SLCO3A1: variants seen among roughly 807,000 people sequenced by gnomAD.
SLCO3A1 encodes PGE1 transporter.
A neutral mutation model predicts 63.1 loss-of-function variants in SLCO3A1; 27 were observed. The ratio of observed to expected loss-of-function variants is 0.43; its 90% CI spans 0.32 to 0.59. The LOEUF (loss-of-function observed/expected upper bound fraction) is 0.59, where lower values mean the gene tolerates loss of function less well. Ranked by LOEUF, SLCO3A1 falls within the 20% of genes least tolerant of loss-of-function variation. The probability of loss-of-function intolerance (pLI) is 0.09; values close to 1 mark genes in which losing one functional copy is unlikely to be tolerated. For missense variants in SLCO3A1, 773 were observed against 945.8 expected (o/e 0.82, Z 2.40); for synonymous variants, 473 against 409.9 (o/e 1.15, Z -1.86).
chr15:91,979,887 G>T (rs1388794395), intron 2 of SLCO3A1, among the ~76,000 whole-genome samples: 1 of 152,130 alleles, frequency 6.6e-6, no homozygotes, highest in East Asian at 1.9e-4. Context: ...GAGGATCATG[G>T]CATTCATCAG....
chr15:92,086,957 G>A (rs1288533936), intron 2 of SLCO3A1, among the ~76,000 whole-genome samples: 5 of 149,180 alleles, frequency 3.4e-5, no homozygotes, highest in Middle Eastern at 3.5e-3. Flanking sequence ...CACTCTAACC[G>A]GGGTGAAAAA....
chr15:92,111,423 G>A (rs2047728681), intron 4 of SLCO3A1, among the ~76,000 whole-genome samples: 1 of 152,108 alleles, frequency 6.6e-6, no homozygotes, highest in Non-Finnish European at 1.5e-5. Flanking sequence ...TCAGAACCAT[G>A]TTCTTCCTGT....
intron 2 of SLCO3A1, among the ~76,000 whole-genome samples, chr15:92,093,340 G>A (rs902851660): frequency 7.2e-5 from 11 of 152,190 alleles, no homozygotes; most frequent in African/African-American, 2.7e-4. Context: ...GAGAAGGGGA[G>A]GTCCCAGATT....
chr15:92,032,339 C>T (rs1175818889), intron 2 of SLCO3A1, among the ~76,000 whole-genome samples: 1 of 152,012 alleles, frequency 6.6e-6, no homozygotes, highest in Non-Finnish European at 1.5e-5. Flanking sequence ...CTTGAGGATG[C>T]AGAACCACAG....
At chr15:91,984,723 C>T (rs1024699316) in intron 2 of SLCO3A1, among the ~76,000 whole-genome samples, 5 of 152,132 alleles carry the variant, frequency 3.3e-5, no homozygotes, top group Admixed American at 2.6e-4. Context: ...TTTAGAGTCA[C>T]TTAGAGTGAC....
intron 2 of SLCO3A1, among the ~76,000 whole-genome samples, chr15:92,051,786 C>T (rs539562000): frequency 9.2e-5 from 14 of 152,284 alleles, no homozygotes; most frequent in African/African-American, 3.1e-4. Flanking sequence ...AAGACACTTA[C>T]ATTTTCCATT....
At chr15:92,156,631 A>ATTCT (rs781165043) in intron 9 of SLCO3A1, among the ~76,000 whole-genome samples, 4 of 152,250 alleles carry the variant, frequency 2.6e-5, no homozygotes, top group East Asian at 3.8e-4. Flanking sequence ...AACAGCCCAG[A>ATTCT]TTCTTTCTTG....
intron 2 of SLCO3A1, among the ~76,000 whole-genome samples, chr15:92,074,193 T>A (rs142691172): frequency 6.6e-6 from 1 of 152,322 alleles, no homozygotes; most frequent in African/African-American, 2.4e-5. Context: ...AGAACCTATC[T>A]TCTTTCAAGC....
intron 2 of SLCO3A1, among the ~76,000 whole-genome samples, chr15:91,999,888 A>G (rs147051386): frequency 1.3e-5 from 2 of 152,346 alleles, no homozygotes; most frequent in African/African-American, 4.8e-5. Context: ...CGAAAACCAT[A>G]GATACAGGAG....
intron 9 of SLCO3A1, among the ~76,000 whole-genome samples, chr15:92,152,037 G>C (rs533886625): frequency 1.5e-4 from 23 of 152,204 alleles, no homozygotes; most frequent in Non-Finnish European, 3.1e-4. Flanking sequence ...GAAAGGGCAT[G>C]TGATGGGGGA....
chr15:91,894,112 G>A lies in SLCO3A1; in HGVS notation c.181-21881G>A, dbSNP rs560536917. On this transcript the variant is annotated intron_variant, in intron 1 of 9. Transcript: ENST00000318445. This position sits in a 1 kb window ranked among gnomAD's most constrained non-coding sequence, Gnocchi z 4.8. Reference sequence around the variant, plus strand: ...ATCTGGGATAAGAGTGTTCCAGGCAGATGCAGTAGCACATTGTCTCAAGTT... The same window carrying A: ...ATCTGGGATAAGAGTGTTCCAGGCAAATGCAGTAGCACATTGTCTCAAGTT... Among the ~76,000 whole-genome samples the A allele has an allele frequency of 5.9e-4, 90 of 152,210 alleles. No homozygotes were observed. The highest frequency in any genetic ancestry group is 1.0e-3 in the Non-Finnish European group (71 of 68,038).
At chr15:91,922,501 C>T (rs996322205) in intron 2 of SLCO3A1, among the ~76,000 whole-genome samples, 4 of 152,176 alleles carry the variant, frequency 2.6e-5, no homozygotes, top group Non-Finnish European at 5.9e-5. Flanking sequence ...GAAGGGCCCC[C>T]GAATACTGGC....
At chr15:92,135,361 C>A (rs979871921) in intron 7 of SLCO3A1, among the ~76,000 whole-genome samples, 2 of 152,124 alleles carry the variant, frequency 1.3e-5, no homozygotes, top group African/African-American at 4.8e-5. Context: ...CAGGCTCACG[C>A]GCCACAGGTT....
intron 2 of SLCO3A1, among the ~76,000 whole-genome samples, chr15:92,037,259 C>A (rs569496491): frequency 3.9e-4 from 59 of 152,312 alleles, no homozygotes; most frequent in Admixed American, 3.3e-3. Context: ...TACTGCCAGA[C>A]AAGACTGCCT....
At position 91,919,442 on chromosome 15, in the gene SLCO3A1, C is replaced by T. The variant is rs149823469; in HGVS notation, c.646+2984C>T. Among the ~76,000 whole-genome samples the T allele has an allele frequency of 8.1e-4, 123 of 152,324 alleles. 1 individual carries two copies. Among genetic ancestry groups the T allele is most frequent in the Middle Eastern group, 3.4e-3 (1 of 294 alleles). On this transcript the variant is annotated intron_variant, in intron 2 of 9. Coordinates refer to ENST00000318445, the MANE Select transcript of SLCO3A1 (RefSeq NM_013272.4). ...CGGCTCTGCTGGCAGGCTTTCACTG[C>T]GGCATCATGCGGCACCCGGACTCAC...
chr15:92,157,375 TAAC>T (rs1209992510), intron 9 of SLCO3A1: 1 of 152,102 alleles, frequency 6.6e-6, no homozygotes, highest in East Asian at 1.9e-4. Context: ...ACTAAGGACT[TAAC>T]AGAGTGAAGG....
At chr15:92,157,492 ATTTT>A (rs201261449) in intron 9 of SLCO3A1, among the ~76,000 whole-genome samples, 1 of 141,320 alleles carries the variant, frequency 7.1e-6, no homozygotes, top group Non-Finnish European at 1.5e-5. Context: ...ATGTGGAGAA[ATTTT>A]TTTTTTTTTT....
intron 1 of SLCO3A1, among the ~76,000 whole-genome samples, chr15:91,887,392 TTTGC>T (rs984240374): frequency 1.2e-4 from 18 of 149,138 alleles, no homozygotes; most frequent in African/African-American, 4.5e-4. Flanking sequence ...CAGGCCCCTC[TTTGC>T]TTGCCTGCCT....
At chr15:92,145,039 A>C (rs918877965) in intron 7 of SLCO3A1, among the ~76,000 whole-genome samples, 4 of 152,148 alleles carry the variant, frequency 2.6e-5, no homozygotes, top group African/African-American at 9.7e-5. Flanking sequence ...AGGACCAGGG[A>C]AACAGGTAGA....
Sources: gnomAD v4.1 joint callset for allele counts (sites outside exome capture counted in the v4.1 genomes callset) on GRCh38, gnomAD v4.1.1 for gene constraint, Gnocchi (gnomAD v3.1) non-coding constraint, MANE v1.5 for transcripts, NCBI Gene and HGNC (gene_info 2026-07-23, HGNC 2026-07-21) for gene names.